RBMS2: variants seen among roughly 807,000 people sequenced by gnomAD.
RBMS2 encodes RNA-binding motif, single-stranded-interacting protein 2.
Under a neutral mutation model 58.4 loss-of-function variants are expected in RBMS2, and 38 were observed. That is an observed-to-expected ratio of 0.65 (90% confidence interval 0.50 to 0.85). The LOEUF is 0.85. RBMS2 is among the 40% of genes least tolerant of loss of function. The pLI, the probability that RBMS2 is intolerant of heterozygous loss-of-function variation, is 0.00. For synonymous variants in RBMS2, 151 were observed against 180.7 expected, an observed-to-expected ratio of 0.84 and a Z score of 1.32; for missense variants, 367 against 503.7, an observed-to-expected ratio of 0.73 and a Z score of 2.60.
rs1433559449 is a variant in RBMS2, at chr12:56,595,249, C to T, written c.*6116C>T. 1 of 152,188 alleles carries T rather than the reference C, an allele frequency of 6.6e-6. No homozygotes were observed. The highest frequency in any genetic ancestry group is 1.5e-5 in the Non-Finnish European group (1 of 68,028). The allele number at this position is 152,188 out of a possible 1,614,324, so 9.4% of individuals were successfully genotyped here. A position where few individuals can be genotyped will look rare whatever the true frequency, so the allele number is the denominator to read the frequency against. ...CTGGAAGCGAATGTTCCTTTTCTACCTTAACATACAGTTTAGGGGGTTGCA... is the reference window on the plus strand; with the variant it reads ...CTGGAAGCGAATGTTCCTTTTCTACTTTAACATACAGTTTAGGGGGTTGCA... On this transcript the variant is annotated 3_prime_UTR_variant, in exon 14 of 14. Coordinates refer to ENST00000262031, the MANE Select transcript of RBMS2 (RefSeq NM_002898.4).
At chr12:56,565,722 T>C (rs1028362270) in intron 2 of RBMS2, among the ~76,000 whole-genome samples, 1 of 152,152 alleles carries the variant, frequency 6.6e-6, no homozygotes, top group Non-Finnish European at 1.5e-5. Context: ...AGGATGTTTC[T>C]CATGCGTAGA....
chr12:56,541,840 C>T (rs1276794506), intron 1 of RBMS2, among the ~76,000 whole-genome samples: 1 of 152,068 alleles, frequency 6.6e-6, no homozygotes, highest in Admixed American at 6.6e-5. Context: ...CTTCTAGTCA[C>T]TAAGAAGGGA....
intron 5 of RBMS2, among the ~76,000 whole-genome samples, chr12:56,576,487 A>G (rs1883148479): frequency 6.6e-6 from 1 of 152,170 alleles, no homozygotes. Context: ...AGGGTTTGGT[A>G]CTATCCATGG....
At chr12:56,554,991 A>G in intron 1 of RBMS2, among the ~76,000 whole-genome samples, 1 of 152,014 alleles carries the variant, frequency 6.6e-6, no homozygotes, top group African/African-American at 2.4e-5. Flanking sequence ...GATGCAATGA[A>G]TATCCTTGTA....
chr12:56,566,286 G>T (rs1881328922), intron 2 of RBMS2, among the ~76,000 whole-genome samples: 2 of 152,146 alleles, frequency 1.3e-5, no homozygotes, highest in Admixed American at 1.3e-4. Flanking sequence ...CTTGTTTGGG[G>T]TATTATTCTC....
At position 56,581,238 on chromosome 12, in the gene RBMS2, T is replaced by C. The variant is rs755227622; in HGVS notation, c.597T>C (p.Tyr199=). The part of the protein sequence containing the change: ...EAIITHFNGK[Y]IKTPPGVPAP... ...TCATCACCCACTTTAATGGAAAATA[T>C]ATTAAGACACCCCCTGGAGTACCAG... Residue 199 remains tyrosine, a synonymous_variant, in exon 6 of 14, where the codon TAT becomes TAC. Coordinates refer to ENST00000262031, the MANE Select transcript of RBMS2 (RefSeq NM_002898.4). 18 of 1,607,494 alleles carry C rather than the reference T, an allele frequency of 1.1e-5. No homozygotes were observed. Among genetic ancestry groups the C allele is most frequent in the African/African-American group, 1.3e-5 (1 of 74,716 alleles).
At chr12:56,581,799 C>T (rs1298045135) in intron 7 of RBMS2, 34 bp from the exon 8 acceptor site, 2 of 1,611,526 alleles carry the variant, frequency 1.2e-6, no homozygotes, top group Non-Finnish European at 1.7e-6. Context: ...CACTCAAGGG[C>T]TCACAATGTG....
intron 1 of RBMS2, among the ~76,000 whole-genome samples, chr12:56,526,977 C>G (rs1382007994): frequency 6.6e-6 from 1 of 152,126 alleles, no homozygotes; most frequent in Non-Finnish European, 1.5e-5. Context: ...TCATACATTT[C>G]TATTTCTTCT....
chr12:56,521,974 CCT>C lies in RBMS2; in HGVS notation c.-49_-48del. On this transcript the variant is annotated 5_prime_UTR_variant, in exon 1 of 14. Transcript: ENST00000262031. ...CCCTCCCCGTCTTTCTTACCCCCTC[CCT>C]TTCTCTCTCTCTCTCTCTCTCGCTC... The C allele has an allele frequency of 9.9e-7, 1 of 1,010,464 alleles. No homozygotes were observed. 62.6% of individuals were successfully genotyped at this position (1,010,464 alleles called of 1,614,324 possible).
At chr12:56,563,257 C>T (rs1451059631) in intron 2 of RBMS2, among the ~76,000 whole-genome samples, 3 of 152,196 alleles carry the variant, frequency 2.0e-5, no homozygotes, top group Non-Finnish European at 2.9e-5. Context: ...GCACCTCCCC[C>T]AACCTGATGG....
chr12:56,588,411 A>G, intron 12 of RBMS2, 37 bp downstream of exon 12: 2 of 1,557,172 alleles, frequency 1.3e-6, no homozygotes, highest in Non-Finnish European at 1.8e-6. Context: ...TGAGATTAGG[A>G]AAATGAACGG....
intron 5 of RBMS2, among the ~76,000 whole-genome samples, chr12:56,577,035 CA>C (rs60298708): frequency 0.013 from 806 of 63,628 alleles, 5 homozygotes; most frequent in South Asian, 0.049. Context: ...AGTGAGATTC[CA>C]AAAAAAAAAA....
intron 1 of RBMS2, among the ~76,000 whole-genome samples, chr12:56,556,598 A>G (rs1321126538): frequency 6.6e-6 from 1 of 152,002 alleles, no homozygotes; most frequent in African/African-American, 2.4e-5. Flanking sequence ...CTGGTCTTGA[A>G]TTCTTGACCT....
rs374424918 is a variant in RBMS2 at position 56,581,857 on chromosome 12, C to G, written c.757C>G (p.Pro253Ala). ...GGGCGTCATGGCCTTGACCTATGAC[C>G]CCACCACAGCTCTTCAGAATGGGTA... ...DMGVMALTYD[P>A]TTALQNGFYP... Residue 253 changes from proline to alanine, a missense_variant, in exon 8 of 14, where the codon CCC (proline) becomes GCC (alanine). Transcript: ENST00000262031. 1.9e-6 allele frequency: 3 copies of G among 1,614,064 alleles called. No homozygotes were observed. Among genetic ancestry groups the G allele is most frequent in the Non-Finnish European group, 2.5e-6 (3 of 1,179,982 alleles).
At chr12:56,552,448 C>T (rs889807134) in intron 1 of RBMS2, among the ~76,000 whole-genome samples, 1 of 152,102 alleles carries the variant, frequency 6.6e-6, no homozygotes, top group East Asian at 1.9e-4. Context: ...TGAAGACACC[C>T]GTGTGGAAAG....
At position 56,546,537 on chromosome 12, in the gene RBMS2, G is replaced by A. The variant is rs148177455; in HGVS notation, c.67-15880G>A. On this transcript the variant is annotated intron_variant, in intron 1 of 13. Coordinates refer to ENST00000262031, the MANE Select transcript of RBMS2 (RefSeq NM_002898.4). ...TTTAGTAGAGACAGGGTTTCACTGT[G>A]TTAACCAGGATAGTCTAGATCTCCT... Among the ~76,000 whole-genome samples the A allele has an allele frequency of 3.3e-5, 5 of 151,660 alleles. 1 individual carries two copies. In the South Asian group the frequency reaches 6.3e-4, roughly 19 times the overall value.
intron 1 of RBMS2, among the ~76,000 whole-genome samples, chr12:56,555,647 G>A (rs1879104784): frequency 6.6e-6 from 1 of 151,998 alleles, no homozygotes; most frequent in Non-Finnish European, 1.5e-5. Flanking sequence ...CTGGAATGCA[G>A]TGACACGATC....
At chr12:56,545,745 A>G (rs1218947363) in intron 1 of RBMS2, among the ~76,000 whole-genome samples, 1 of 152,152 alleles carries the variant, frequency 6.6e-6, no homozygotes, top group Non-Finnish European at 1.5e-5. Flanking sequence ...TTCACATTGT[A>G]CCATGTATCA....
intron 1 of RBMS2, among the ~76,000 whole-genome samples, chr12:56,560,407 C>G (rs1443338633): frequency 6.6e-6 from 1 of 151,844 alleles, no homozygotes; most frequent in Non-Finnish European, 1.5e-5. Context: ...CAGGTGCATG[C>G]CACCACACCT....
Sources: allele counts gnomAD v4.1 joint callset (sites outside exome capture counted in the v4.1 genomes callset), GRCh38; gene constraint gnomAD v4.1.1; transcripts MANE v1.5; gene names NCBI Gene and HGNC (gene_info 2026-07-23, HGNC 2026-07-21).